ARHGAP44: variants seen among roughly 807,000 people sequenced by gnomAD.
The protein encoded by ARHGAP44 is rho GTPase-activating protein 44.
A neutral mutation model predicts 106.8 loss-of-function variants in ARHGAP44; 43 were observed. That is an observed-to-expected ratio of 0.40 (90% CI 0.32 to 0.52). The LOEUF (loss-of-function observed/expected upper bound fraction) is 0.52, where lower values mean the gene tolerates loss of function less well. Among genes scored for constraint, ARHGAP44 ranks in the 20% least tolerant of loss-of-function variants. The pLI, the probability that ARHGAP44 is intolerant of heterozygous loss-of-function variation, is 0.48. For missense variants in ARHGAP44, 866 were observed against 1,050.5 expected (o/e 0.82, Z 2.43); for synonymous variants, 439 against 410.3 (o/e 1.07, Z -0.85).
At chr17:12,823,096 G>GT (rs970948532) in intron 1 of ARHGAP44, among the ~76,000 whole-genome samples, 6 of 152,170 alleles carry the variant, frequency 3.9e-5, no homozygotes, top group Non-Finnish European at 8.8e-5. Context: ...ATAGCAGCTT[G>GT]TTTTTTGGGA....
At chr17:12,795,946 A>G (rs1307165617) in intron 1 of ARHGAP44, among the ~76,000 whole-genome samples, 1 of 152,148 alleles carries the variant, frequency 6.6e-6, no homozygotes, top group East Asian at 1.9e-4. Context: ...TTTAGAATAA[A>G]TGTTTATTTT....
intron 6 of ARHGAP44, among the ~76,000 whole-genome samples, chr17:12,926,421 T>TA (rs1567690983): frequency 2.9e-5 from 4 of 140,092 alleles, no homozygotes; most frequent in African/African-American, 1.0e-4. Context: ...ATAATATATA[T>TA]GTATATATAA....
intron 10 of ARHGAP44, among the ~76,000 whole-genome samples, chr17:12,944,932 T>C (rs918453482): frequency 2.0e-5 from 3 of 152,098 alleles, no homozygotes; most frequent in South Asian, 4.1e-4. Context: ...ACAACTCTTA[T>C]AGAGATCCTG....
chr17:12,812,013 G>A (rs374300899), intron 1 of ARHGAP44, among the ~76,000 whole-genome samples: 19 of 152,036 alleles, frequency 1.2e-4, no homozygotes, highest in African/African-American at 4.1e-4. Flanking sequence ...TAACTTCTGG[G>A]GGACACAATT....
chr17:12,897,597 T>C (rs1292646680), intron 3 of ARHGAP44, among the ~76,000 whole-genome samples: 1 of 151,804 alleles, frequency 6.6e-6, no homozygotes, highest in Non-Finnish European at 1.5e-5. Context: ...AAAGGGAGAG[T>C]TTGCAAAATG....
chr17:12,798,084 A>G (rs919232077), intron 1 of ARHGAP44, among the ~76,000 whole-genome samples: 2 of 152,196 alleles, frequency 1.3e-5, no homozygotes, highest in African/African-American at 4.8e-5. Context: ...TTATTTTTAA[A>G]TACTTTTTTT....
In ARHGAP44 at chr17:12,956,862, T is replaced by C. The variant is rs11867215; in HGVS notation, c.1342+116T>C. 0.011 allele frequency: 7,628 copies of C among 707,106 alleles called. 400 individuals are homozygous for C. In the African/African-American group the frequency reaches 0.15, roughly 14 times the overall value. 43.8% of individuals were successfully genotyped at this position (707,106 alleles called of 1,614,324 possible). On this transcript the variant is annotated intron_variant, in intron 15 of 20. Transcript: ENST00000379672. Reference sequence around the variant, plus strand: ...CACAGGCTTTTTTTTTTGATTCCCCTATAAACACACACACACACACACACA... The same window carrying C: ...CACAGGCTTTTTTTTTTGATTCCCCCATAAACACACACACACACACACACA...
chr17:12,954,467 C>G (rs2039078396), intron 13 of ARHGAP44, among the ~76,000 whole-genome samples: 1 of 152,202 alleles, frequency 6.6e-6, no homozygotes. Context: ...GCTTAGGTCC[C>G]ACATCCTGGT....
intron 1 of ARHGAP44, among the ~76,000 whole-genome samples, chr17:12,817,694 C>T (rs1253112062): frequency 6.6e-6 from 1 of 152,038 alleles, no homozygotes; most frequent in East Asian, 1.9e-4. Context: ...CGGGATATCA[C>T]TGCAGACCTG....
At chr17:12,926,337 C>T (rs913180757) in intron 6 of ARHGAP44, among the ~76,000 whole-genome samples, 4 of 149,544 alleles carry the variant, frequency 2.7e-5, no homozygotes, top group Admixed American at 6.7e-5. Context: ...TGCACTCCAG[C>T]CTGGGTGACA....
intron 13 of ARHGAP44, among the ~76,000 whole-genome samples, chr17:12,953,288 G>T (rs900534544): frequency 6.6e-6 from 1 of 152,094 alleles, no homozygotes; most frequent in Non-Finnish European, 1.5e-5. Context: ...CCTTCTCCAC[G>T]CCTGGCTCCT....
At chr17:12,872,933 G>A (rs1017089993) in intron 1 of ARHGAP44, among the ~76,000 whole-genome samples, 1 of 152,052 alleles carries the variant, frequency 6.6e-6, no homozygotes, top group Non-Finnish European at 1.5e-5. Context: ...TCAATTCCGC[G>A]GTAACATTGT....
chr17:12,956,628 C>A, intron 14 of ARHGAP44, 27 bp from the exon 15 acceptor site: 1 of 1,604,892 alleles, frequency 6.2e-7, no homozygotes, highest in South Asian at 1.1e-5. Context: ...TAACTCCACC[C>A]TGTTTGCCTC....
intron 1 of ARHGAP44, among the ~76,000 whole-genome samples, chr17:12,873,989 G>A (rs2036480775): frequency 1.3e-5 from 2 of 152,062 alleles, no homozygotes. Flanking sequence ...CACTTAGAAC[G>A]AATGGCTTTG....
chr17:12,899,160 AG>A (rs1310471221), intron 3 of ARHGAP44, among the ~76,000 whole-genome samples: 1 of 151,944 alleles, frequency 6.6e-6, no homozygotes, highest in Non-Finnish European at 1.5e-5. Context: ...TAGTAGAGAC[AG>A]GGTTTCACCA....
At chr17:12,873,289 G>T (rs2036454597) in intron 1 of ARHGAP44, among the ~76,000 whole-genome samples, 1 of 152,142 alleles carries the variant, frequency 6.6e-6, no homozygotes, top group Admixed American at 6.5e-5. Context: ...ATGTCTCTAT[G>T]TGGCAGATCT....
At chr17:12,874,888 A>G (rs775157685) in intron 1 of ARHGAP44, among the ~76,000 whole-genome samples, 6 of 145,744 alleles carry the variant, frequency 4.1e-5, no homozygotes, top group Non-Finnish European at 7.6e-5. Context: ...GGAAAGTTAG[A>G]TATGCCTGGA....
chr17:12,953,992 A>C (rs892383491), intron 13 of ARHGAP44, among the ~76,000 whole-genome samples: 2 of 151,660 alleles, frequency 1.3e-5, no homozygotes, highest in African/African-American at 4.8e-5. Flanking sequence ...GATTCGAGTG[A>C]TTCTCCTGCC....
intron 13 of ARHGAP44, among the ~76,000 whole-genome samples, chr17:12,955,428 A>G (rs1384517621): frequency 6.6e-6 from 1 of 152,084 alleles, no homozygotes; most frequent in African/African-American, 2.4e-5. Context: ...TCTTTATTAG[A>G]TCTTTCCAGA....
Sources: gnomAD v4.1 joint callset for allele counts (sites outside exome capture counted in the v4.1 genomes callset) on GRCh38, gnomAD v4.1.1 for gene constraint, MANE v1.5 for transcripts, NCBI Gene and HGNC (gene_info 2026-07-23, HGNC 2026-07-21) for gene names.